The following PDZD2 variants were observed in gnomAD, a reference collection of about 807,000 sequenced individuals.
The protein encoded by PDZD2 is PDZ domain-containing protein 2.
In PDZD2, 90 loss-of-function variants were observed where a neutral mutation model predicts 220.7. That is an observed-to-expected ratio of 0.41 (90% CI 0.34 to 0.49). The LOEUF (loss-of-function observed/expected upper bound fraction) is 0.49. Among genes scored for constraint, PDZD2 ranks in the 20% least tolerant of loss-of-function variants. The probability of loss-of-function intolerance (pLI) is 0.28; values close to 1 mark genes in which losing one functional copy is unlikely to be tolerated. For missense variants in PDZD2, 3,174 were observed against 3,608.5 expected (o/e 0.88, Z 3.08); for synonymous variants, 1,375 against 1,450.5 (o/e 0.95, Z 1.18).
chr5:31,889,054 GTTGT>G (rs1740779076), intron 2 of PDZD2, among the ~76,000 whole-genome samples: 1 of 152,042 alleles, frequency 6.6e-6, no homozygotes, highest in Admixed American at 6.6e-5. Context: ...GGGTTGTTCT[GTTGT>G]TTGTCTTTGA....
Position 31,894,221 on chromosome 5 carries a change from G to C in PDZD2, c.477-88934G>C, listed in dbSNP as rs74438866. Among the ~76,000 whole-genome samples, 1,472 of 152,008 alleles carry C rather than the reference G, an allele frequency of 9.7e-3. 21 individuals carry two copies. The highest frequency in any genetic ancestry group is 0.033 in the African/African-American group (1,380 of 41,456). On this transcript the variant is annotated intron_variant, in intron 2 of 24. Coordinates refer to ENST00000438447, the MANE Select transcript of PDZD2 (RefSeq NM_178140.4). ...AGCCACCGTGCTCGGCCAGCACATT[G>C]CATTTTAAGGGTGCTCTATATTAGT...
At position 32,089,554 on chromosome 5, in the gene PDZD2, G is replaced by A. The variant is rs753727397; in HGVS notation, c.6106G>A (p.Val2036Met). ...GRAPRADSGP[V>M]SPAASRNGMS... The stretch of plus-strand genomic sequence containing the variant: ...GGCGCCCCGTGCTGACTCCGGGCCG[G>A]TGAGTCCGGCAGCGTCTAGGAACGG... Residue 2036 changes from valine to methionine, a missense_variant, in exon 20 of 25, where the codon GTG becomes ATG. Around this residue, in one of 4 missense-constraint regions of PDZD2, gnomAD observed 1,861 missense variants for 2,001.0 expected, o/e 0.93. Coordinates refer to ENST00000438447, the MANE Select transcript of PDZD2 (RefSeq NM_178140.4). 8.7e-6 allele frequency: 14 copies of A among 1,612,248 alleles called. No individual in the cohort carries two copies. Among genetic ancestry groups the A allele is most frequent in the Middle Eastern group, 1.6e-4 (1 of 6,062 alleles).
chr5:31,782,197 T>C (rs1864120), intron 1 of PDZD2, among the ~76,000 whole-genome samples: 85,808 of 151,866 alleles, frequency 0.57, 24,352 homozygotes, highest in East Asian at 0.6. Context: ...AGGGTTGCCA[T>C]ATAAAATACC....
At chr5:31,930,445 C>T (rs977728653) in intron 2 of PDZD2, among the ~76,000 whole-genome samples, 20 of 151,900 alleles carry the variant, frequency 1.3e-4, no homozygotes, top group East Asian at 3.9e-4. Context: ...GTGATCCGCC[C>T]GCCTCGGCCT....
rs376585086 is a variant in PDZD2 at position 31,646,880 on chromosome 5, G to A, written c.-361+7443G>A. 5.3e-4 allele frequency among the ~76,000 whole-genome samples: 80 copies of A among 152,186 alleles called. 1 individual carries two copies. In the South Asian group the frequency reaches 0.014, roughly 26 times the overall value. ...CAGCTGTCTCCAGAAAATGTGCTCC[G>A]AGTGTCCCCATCAGCGTGGATTCCC... On this transcript the variant is annotated intron_variant, in intron 1 of 24. Transcript: ENST00000438447. The surrounding 1 kb of genome is among the most constrained non-coding windows in gnomAD (Gnocchi z 4.7).
intron 12 of PDZD2, among the ~76,000 whole-genome samples, chr5:32,058,745 G>C (rs1316954118): frequency 6.6e-6 from 1 of 150,610 alleles, no homozygotes; most frequent in Non-Finnish European, 1.5e-5. Context: ...AAGAACAAAA[G>C]ATTATAGTTA....
intron 1 of PDZD2, among the ~76,000 whole-genome samples, chr5:31,743,377 T>C (rs1263848341): frequency 6.6e-6 from 1 of 152,012 alleles, no homozygotes; most frequent in African/African-American, 2.4e-5. Flanking sequence ...GTATTCGCCA[T>C]GTTGCCCAGG....
intron 2 of PDZD2, among the ~76,000 whole-genome samples, chr5:31,953,892 G>A (rs371695940): frequency 2.0e-5 from 3 of 151,912 alleles, no homozygotes; most frequent in Admixed American, 6.6e-5. Context: ...CTCATCATCC[G>A]CCCACCTCGG....
At chr5:31,651,994 A>ATTTTTTTTTTT (rs10676854) in intron 1 of PDZD2, among the ~76,000 whole-genome samples, 8 of 130,280 alleles carry the variant, frequency 6.1e-5, no homozygotes, top group Non-Finnish European at 7.8e-5. Context: ...TAATTTTTGT[A>ATTTTTTTTTTT]TTTTTTTTTT....
chr5:32,025,889 C>T (rs1029808998), intron 6 of PDZD2, among the ~76,000 whole-genome samples: 10 of 151,966 alleles, frequency 6.6e-5, no homozygotes, highest in Non-Finnish European at 7.4e-5. Context: ...CGTGAGCCAA[C>T]AAGCCCAGGC....
chr5:31,728,908 G>A (rs1243403687), intron 1 of PDZD2, among the ~76,000 whole-genome samples: 5 of 152,096 alleles, frequency 3.3e-5, no homozygotes, highest in African/African-American at 1.2e-4. Context: ...AGGCCGGAGT[G>A]CAGTGGCACA....
At chr5:31,856,546 A>G (rs1580907072) in intron 2 of PDZD2, among the ~76,000 whole-genome samples, 1 of 152,190 alleles carries the variant, frequency 6.6e-6, no homozygotes, top group East Asian at 1.9e-4. Context: ...ATCTAGAGTG[A>G]AGGAAAGATG....
Position 32,002,637 on chromosome 5 carries a change from A to AGC in PDZD2, c.1254+2366_1254+2367insGC, listed in dbSNP as rs1554022427. 1.2e-4 allele frequency among the ~76,000 whole-genome samples: 15 copies of AGC among 125,798 alleles called. 1 individual carries two copies. Among genetic ancestry groups the AGC allele is most frequent in the Admixed American group, 3.3e-4 (4 of 12,216 alleles). 82.5% of individuals were successfully genotyped at this position (125,798 alleles called of 152,430 possible). On this transcript the variant is annotated intron_variant, in intron 5 of 24. Transcript: ENST00000438447. The stretch of plus-strand genomic sequence containing the variant: ...CACCAACACACACCAACACACCACC[A>AGC]ACACACACACCCCACATACTACACA...
At chr5:32,096,378 C>T (rs186334045) in intron 21 of PDZD2, among the ~76,000 whole-genome samples, 7 of 152,206 alleles carry the variant, frequency 4.6e-5, no homozygotes, top group Non-Finnish European at 8.8e-5. Context: ...GTGCAACTGG[C>T]ATGATCTCCA....
intron 7 of PDZD2, among the ~76,000 whole-genome samples, chr5:32,040,888 G>GC (rs1756060251): frequency 6.9e-6 from 1 of 144,108 alleles, no homozygotes; most frequent in Non-Finnish European, 1.5e-5. Flanking sequence ...GAGCGCCTCT[G>GC]CCTGGCCGCC....
At chr5:31,703,347 AC>A (rs1747679983) in intron 1 of PDZD2, among the ~76,000 whole-genome samples, 1 of 152,212 alleles carries the variant, frequency 6.6e-6, no homozygotes, top group South Asian at 2.1e-4. Flanking sequence ...GAAGCTGGAA[AC>A]CATCATTCTC....
chr5:31,829,963 G>A (rs1379892402), intron 2 of PDZD2, among the ~76,000 whole-genome samples: 1 of 151,964 alleles, frequency 6.6e-6, no homozygotes, highest in Non-Finnish European at 1.5e-5. Flanking sequence ...CAAGAGGGTC[G>A]CTTGAACCTA....
At chr5:31,958,144 A>G (rs1405091261) in intron 2 of PDZD2, among the ~76,000 whole-genome samples, 1 of 152,252 alleles carries the variant, frequency 6.6e-6, no homozygotes, top group Non-Finnish European at 1.5e-5. Flanking sequence ...TAAGTGATAT[A>G]TATTTACATT....
intron 2 of PDZD2, among the ~76,000 whole-genome samples, chr5:31,863,937 A>G (rs1737960229): frequency 6.6e-6 from 1 of 152,208 alleles, no homozygotes; most frequent in Non-Finnish European, 1.5e-5. Context: ...TATGCATGTG[A>G]GCGTAACTTA....
Sources: allele counts gnomAD v4.1 joint callset (sites outside exome capture counted in the v4.1 genomes callset), GRCh38; gene constraint gnomAD v4.1.1; regional missense constraint gnomAD v4.1.1; non-coding constraint Gnocchi (gnomAD v3.1); transcripts MANE v1.5; gene names NCBI Gene and HGNC (gene_info 2026-07-23, HGNC 2026-07-21).